Variants in FYB2 observed in about 807,000 individuals in gnomAD.
The protein encoded by FYB2 is FYN-binding protein 2.
Under a neutral mutation model 94.1 loss-of-function variants are expected in FYB2, and 103 were observed. The observed-to-expected ratio is 1.09, with a 90% CI of 0.93 to 1.29. The LOEUF (loss-of-function observed/expected upper bound fraction) is 1.29, where lower values mean the gene tolerates loss of function less well. Ranked by LOEUF, FYB2 falls within the 50% of genes most tolerant of loss-of-function variation. The pLI, the probability that FYB2 is intolerant of heterozygous loss-of-function variation, is 0.00. For missense variants in FYB2, 896 were observed against 841.5 expected (o/e 1.06, Z -0.80); for synonymous variants, 293 against 287.9 (o/e 1.02, Z -0.18).
At chr1:56,820,226 C>CA (rs112651204), upstream of FYB2, among the ~76,000 whole-genome samples, 53,126 of 122,410 alleles carry the variant, frequency 0.43, 10,874 homozygotes, top group Middle Eastern at 0.48. Context: ...GACTCCGTCT[C>CA]AAAAAAAAAA....
At chr1:56,802,693 T>C (rs1397526222) in intron 1 of FYB2, among the ~76,000 whole-genome samples, 1 of 152,172 alleles carries the variant, frequency 6.6e-6, no homozygotes, top group East Asian at 1.9e-4. Context: ...AATGAAGTAA[T>C]GAAGAATCTC....
intron 1 of FYB2, among the ~76,000 whole-genome samples, chr1:56,815,065 G>C (rs544477184): frequency 6.6e-6 from 1 of 152,224 alleles, no homozygotes; most frequent in African/African-American, 2.4e-5. Context: ...GGCATTGAAG[G>C]CCTTTCAATA....
At chr1:56,732,629 A>G (rs1385433969) in intron 15 of FYB2, among the ~76,000 whole-genome samples, 1 of 152,120 alleles carries the variant, frequency 6.6e-6, no homozygotes, top group Non-Finnish European at 1.5e-5. Context: ...CATAAAACAG[A>G]CACACAAACC....
chr1:56,792,112 G>A lies in FYB2; in HGVS notation c.701C>T (p.Pro234Leu), dbSNP rs767033112. 108 of 1,611,412 alleles carry A rather than the reference G, an allele frequency of 6.7e-5. No homozygotes were observed. In the East Asian group the frequency reaches 1.1e-3, roughly 17 times the overall value. The change falls in exon 2 of 20, where the codon CCG becomes CTG. Residue 234 changes from proline to leucine, a missense_variant. Physicochemically the swap from Pro to Leu is moderately conservative, Grantham distance 98. Coordinates refer to ENST00000343433, the MANE Select transcript of FYB2 (RefSeq NM_001004303.5). The part of the protein sequence containing the change: ...SWENPPPERS[P>L]ASSPCQPIYE... ...GATGGGCTGGCAGGGGCTGCTTGCC[G>A]GGCTCCTCTCAGGAGGTGGGTTTTC... is the stretch of plus-strand genomic sequence containing the variant.
At position 56,789,469 on chromosome 1, in the gene FYB2, C is replaced by T. The variant is rs116121763; in HGVS notation, c.758-335G>A. ...ACACATCACTGGCTTCTCCATTCTC[C>T]GTATTTGATTTAGATAGCCTTAAAA... is the stretch of plus-strand genomic sequence containing the variant. On this transcript the variant is annotated intron_variant, in intron 2 of 19. Coordinates refer to ENST00000343433, the MANE Select transcript of FYB2 (RefSeq NM_001004303.5). 3.6e-3 allele frequency among the ~76,000 whole-genome samples: 554 copies of T among 152,294 alleles called. 2 individuals are homozygous for T. The highest frequency in any genetic ancestry group is 0.012 in the African/African-American group (508 of 41,568).
At chr1:56,734,720 A>G (rs899125888) in intron 15 of FYB2, among the ~76,000 whole-genome samples, 3 of 152,058 alleles carry the variant, frequency 2.0e-5, no homozygotes, top group African/African-American at 7.2e-5. Flanking sequence ...GTAAATGATG[A>G]GTTGATGGGT....
At position 56,737,483 on chromosome 1, in the gene FYB2, G is replaced by A. The variant is rs189278129; in HGVS notation, c.1733-336C>T. ...ACTAAGTTCCCATCTTTCTGGAATT[G>A]AACAAATATGCTATACTGCTAGAAT... On this transcript the variant is annotated intron_variant, in intron 14 of 19. Coordinates refer to ENST00000343433, the MANE Select transcript of FYB2 (RefSeq NM_001004303.5). 1,208 of 199,466 alleles carry A rather than the reference G, an allele frequency of 6.1e-3. 3 individuals are homozygous for A. The highest frequency in any genetic ancestry group is 9.2e-3 in the Non-Finnish European group (934 of 101,352). 12.4% of individuals were successfully genotyped at this position (199,466 alleles called of 1,614,324 possible).
intron 3 of FYB2, 50 bp downstream of exon 3, chr1:56,788,923 C>A: frequency 3.1e-6 from 5 of 1,604,338 alleles, no homozygotes; most frequent in Non-Finnish European, 4.3e-6. Context: ...GATGTGGAGA[C>A]GGAGGTGACT....
Position 56,723,946 on chromosome 1 carries a change from G to A in FYB2, c.1881-265C>T, listed in dbSNP as rs556695355. ...ATCAGGGTAATGTCAATTGCTTTTC[G>A]CTACAATTAAAAAAATATTTTTGAT... On this transcript the variant is annotated intron_variant, in intron 16 of 19. Transcript: ENST00000343433. Among the ~76,000 whole-genome samples, 4 of 151,830 alleles carry A rather than the reference G, an allele frequency of 2.6e-5. No individual in the cohort carries two copies. In the East Asian group the frequency reaches 5.8e-4, roughly 22 times the overall value.
upstream of FYB2, among the ~76,000 whole-genome samples, chr1:56,820,948 G>C (rs1312648125): frequency 6.6e-6 from 1 of 152,148 alleles, no homozygotes; most frequent in East Asian, 1.9e-4. Flanking sequence ...ATAAATGGTA[G>C]CACTTTCTTG....
intron 1 of FYB2, among the ~76,000 whole-genome samples, chr1:56,794,830 C>T (rs1646357676): frequency 6.6e-6 from 1 of 152,092 alleles, no homozygotes; most frequent in African/African-American, 2.4e-5. Flanking sequence ...ACTTACGTGC[C>T]TTGGGCAATT....
chr1:56,816,717 A>T (rs1388426213), intron 1 of FYB2, among the ~76,000 whole-genome samples: 1 of 151,996 alleles, frequency 6.6e-6, no homozygotes, highest in Non-Finnish European at 1.5e-5. Flanking sequence ...CTCTAAACCC[A>T]CCTATGTAGA....
chr1:56,729,038 A>C (rs545604131), intron 15 of FYB2, among the ~76,000 whole-genome samples: 1 of 152,154 alleles, frequency 6.6e-6, no homozygotes, highest in Non-Finnish European at 1.5e-5. Context: ...GTATGGATGG[A>C]ACACAGGAAT....
At chr1:56,806,856 A>G (rs1646659220) in intron 1 of FYB2, among the ~76,000 whole-genome samples, 1 of 152,216 alleles carries the variant, frequency 6.6e-6, no homozygotes, top group Non-Finnish European at 1.5e-5. Context: ...TGGGCCATAT[A>G]TACCCTCAGG....
chr1:56,771,975 G>A (rs1196643480), intron 4 of FYB2, among the ~76,000 whole-genome samples: 4 of 151,224 alleles, frequency 2.6e-5, no homozygotes, highest in African/African-American at 9.7e-5. Context: ...GTTTTCTTTT[G>A]TGTATATTCT....
intron 19 of FYB2, 147 bp from the exon 20 acceptor site, chr1:56,719,839 C>T: frequency 9.8e-7 from 1 of 1,016,628 alleles, no homozygotes; most frequent in Non-Finnish European, 1.4e-6. Context: ...AGTTTGATAG[C>T]ATACTCAGGA....
chr1:56,783,809 G>T (rs1308725294), intron 4 of FYB2, among the ~76,000 whole-genome samples: 1 of 152,122 alleles, frequency 6.6e-6, no homozygotes, highest in Non-Finnish European at 1.5e-5. Flanking sequence ...TGAATGAATA[G>T]AATTGGCTCT....
At chr1:56,735,983 G>T (rs763534677) in intron 15 of FYB2, among the ~76,000 whole-genome samples, 10 of 152,030 alleles carry the variant, frequency 6.6e-5, no homozygotes, top group Non-Finnish European at 1.3e-4. Context: ...ACAAAGAAAT[G>T]ATAAATGTTT....
intron 1 of FYB2, among the ~76,000 whole-genome samples, chr1:56,801,076 C>T (rs1421440035): frequency 6.6e-6 from 1 of 152,172 alleles, no homozygotes; most frequent in Non-Finnish European, 1.5e-5. Flanking sequence ...TCCCATTTCT[C>T]ACCCTTCCCT....
Sources: gnomAD v4.1 joint callset for allele counts (sites outside exome capture counted in the v4.1 genomes callset) on GRCh38, gnomAD v4.1.1 for gene constraint, MANE v1.5 for transcripts, NCBI Gene and HGNC (gene_info 2026-07-23, HGNC 2026-07-21) for gene names.